Variants in CAMK2A observed in about 807,000 individuals in gnomAD.
CAMK2A encodes calcium/calmodulin-dependent protein kinase type II subunit alpha.
Under a neutral mutation model 79.2 loss-of-function variants are expected in CAMK2A, and 7 were observed. The ratio of observed to expected loss-of-function variants is 0.09; its 90% confidence interval spans 0.05 to 0.17. CAMK2A has a LOEUF of 0.17. Ranked by LOEUF, CAMK2A falls within the 10% of genes least tolerant of loss-of-function variation. CAMK2A has a pLI of 1.00. For synonymous variants in CAMK2A, 242 were observed against 251.7 expected, an observed-to-expected ratio of 0.96 and a Z score of 0.36; for missense variants, 214 against 646.4, an observed-to-expected ratio of 0.33 and a Z score of 7.25.
At chr5:150,272,572 CAAA>C (rs1216822947) in intron 2 of CAMK2A, among the ~76,000 whole-genome samples, 7 of 98,774 alleles carry the variant, frequency 7.1e-5, no homozygotes, top group Admixed American at 1.1e-4. Flanking sequence ...AACTCCATCT[CAAA>C]AAAAAAAAAA....
chr5:150,222,339 C>T lies in CAMK2A; in HGVS notation c.*371G>A. 1 of 610,072 alleles carries T rather than the reference C, an allele frequency of 1.6e-6. No homozygotes were observed. The highest frequency in any genetic ancestry group is 2.7e-5 in the Admixed American group (1 of 37,348). The allele number at this position is 610,072 out of a possible 1,614,324, so 37.8% of individuals were successfully genotyped here. The stretch of plus-strand genomic sequence containing the variant: ...GGATGCTGCCTTCCTCATCATGCCA[C>T]CCCTCCTTCTCCCCAGCCCCTGGTG... On this transcript the variant is annotated 3_prime_UTR_variant, in exon 19 of 19. Transcript: ENST00000671881.
At position 150,289,730 on chromosome 5, in the gene CAMK2A, A is replaced by G. The variant is rs1233421171; in HGVS notation, c.-105T>C. 2 of 857,520 alleles carry G rather than the reference A, an allele frequency of 2.3e-6. No homozygotes were observed. Among genetic ancestry groups the G allele is most frequent in the Non-Finnish European group, 3.7e-6 (2 of 533,528 alleles). The allele number at this position is 857,520 out of a possible 1,614,324, so 53.1% of individuals were successfully genotyped here. On this transcript the variant is annotated 5_prime_UTR_variant, in exon 1 of 19. Transcript: ENST00000671881. ...GACCACTTGCCTGCCCGTGCTGCCGAGTGCAAACAGAGAACCGGTTTGACT... is the reference window on the plus strand; with the variant it reads ...GACCACTTGCCTGCCCGTGCTGCCGGGTGCAAACAGAGAACCGGTTTGACT...
rs777784924 is a variant in CAMK2A, at chr5:150,250,817, G to A, written c.694-7C>T. 5.6e-6 allele frequency: 9 copies of A among 1,613,698 alleles called. No individual in the cohort carries two copies. Among genetic ancestry groups the A allele is most frequent in the Non-Finnish European group, 6.8e-6 (8 of 1,179,684 alleles). The stretch of plus-strand genomic sequence containing the variant: ...CCCATTCCGGCGATGGGAACTGGAA[G>A]GGGCAGAGAGGCCAGGTTTGCCCAG... On this transcript the variant is annotated splice_region_variant and splice_polypyrimidine_tract_variant and intron_variant, in intron 9 of 18. Coordinates refer to ENST00000671881, the MANE Select transcript of CAMK2A (RefSeq NM_015981.4).
At chr5:150,229,043 T>G (rs1028685754) in intron 16 of CAMK2A, among the ~76,000 whole-genome samples, 2 of 152,120 alleles carry the variant, frequency 1.3e-5, no homozygotes, top group African/African-American at 4.8e-5. Context: ...TCTTTTGTGG[T>G]ATAACATGGA....
At position 150,221,444 on chromosome 5, in the gene CAMK2A, G is replaced by A. The variant is rs1357299636; in HGVS notation, c.*1266C>T. On this transcript the variant is annotated 3_prime_UTR_variant, in exon 19 of 19. Transcript: ENST00000671881. The stretch of plus-strand genomic sequence containing the variant: ...TCACGGGCCCCCCAGAGGTGGGTGG[G>A]GGGTGCTGGGGGCGGCACACAGATA... 1 of 398,722 alleles carries A rather than the reference G, an allele frequency of 2.5e-6. No homozygotes were observed. The highest frequency in any genetic ancestry group is 4.4e-6 in the Non-Finnish European group (1 of 226,076). 24.7% of individuals were successfully genotyped at this position (398,722 alleles called of 1,614,324 possible).
chr5:150,276,410 T>G (rs185036446), intron 1 of CAMK2A, among the ~76,000 whole-genome samples: 1 of 152,178 alleles, frequency 6.6e-6, no homozygotes, highest in African/African-American at 2.4e-5. Flanking sequence ...AGGAGGTGGA[T>G]TTCAGCAAGA....
At chr5:150,253,857 A>AAGCAGCAGC (rs139916117) in intron 6 of CAMK2A, among the ~76,000 whole-genome samples, 1 of 149,008 alleles carries the variant, frequency 6.7e-6, no homozygotes, top group East Asian at 1.9e-4. Flanking sequence ...CACCACAATA[A>AAGCAGCAGC]AGCAGCAGCA....
rs182645166 is a variant in CAMK2A, at chr5:150,286,119, C to T, written c.62+3445G>A. On this transcript the variant is annotated intron_variant, in intron 1 of 18. Coordinates refer to ENST00000671881, the MANE Select transcript of CAMK2A (RefSeq NM_015981.4). ...GGTGCAGCACGCCTCCTGCAAGCTT[C>T]GGTGCCGCTAGGATCTGGGCTTTTA... Among the ~76,000 whole-genome samples, 16 of 152,280 alleles carry T rather than the reference C, an allele frequency of 1.1e-4. No homozygotes were observed. The East Asian group carries it at 2.7e-3, about 26-fold the overall frequency.
In CAMK2A at chr5:150,242,579, G is replaced by A. The variant is rs148237864; in HGVS notation, c.984+2582C>T. Among the ~76,000 whole-genome samples, 690 of 152,288 alleles carry A rather than the reference G, an allele frequency of 4.5e-3. 2 individuals carry two copies. Among genetic ancestry groups the A allele is most frequent in the African/African-American group, 0.016 (648 of 41,560 alleles). On this transcript the variant is annotated intron_variant, in intron 13 of 18. Transcript: ENST00000671881. ...GACAGTGAAAGGAGCCTGTGATGTG[G>A]CTCCACCAGGCCCTTCTGGTGTGAC...
chr5:150,234,200 C>G (rs1025308457), intron 15 of CAMK2A, among the ~76,000 whole-genome samples: 1 of 152,162 alleles, frequency 6.6e-6, no homozygotes, highest in East Asian at 1.9e-4. Context: ...ACCTGAGTCA[C>G]TCTCCTTGCC....
At chr5:150,265,268 A>C in intron 2 of CAMK2A, 13 of 472,422 alleles carry the variant, frequency 2.8e-5, no homozygotes, top group East Asian at 8.0e-5. Context: ...TGATTCTTAA[A>C]TGTGAGGCTT....
intron 14 of CAMK2A, 44 bp from the exon 15 acceptor site, chr5:150,238,792 G>A (rs750791622): frequency 3.3e-5 from 51 of 1,534,222 alleles, no homozygotes; most frequent in Admixed American, 1.1e-4. Flanking sequence ...GCCTGGGAGC[G>A]GGACGAGGCA....
At chr5:150,277,065 A>G (rs894273766) in intron 1 of CAMK2A, among the ~76,000 whole-genome samples, 4 of 152,126 alleles carry the variant, frequency 2.6e-5, no homozygotes, top group African/African-American at 9.7e-5. Context: ...CCCCATCTCT[A>G]CTGCTGAGCA....
chr5:150,272,740 G>T (rs1580946753), intron 2 of CAMK2A, among the ~76,000 whole-genome samples: 2 of 152,144 alleles, frequency 1.3e-5, no homozygotes, highest in Middle Eastern at 6.8e-3. Context: ...AGAGGGAATG[G>T]CAAGGGTAGA....
Position 150,253,508 on chromosome 5 carries a change from G to A in CAMK2A, c.450C>T (p.Ala150=), listed in dbSNP as rs373461784. Residue 150 remains alanine (A), a synonymous_variant, in exon 7 of 19, where the codon GCC becomes GCT. Transcript: ENST00000671881. ...NLLLASKLKG[A]AVKLADFGLA... is the part of the protein sequence containing the mutation. ...GGCCAAAGTCTGCCAGCTTCACTGCGGCACCCTTGAGCTTGGAGGCCAGCA... is the reference window on the plus strand; with the variant it reads ...GGCCAAAGTCTGCCAGCTTCACTGCAGCACCCTTGAGCTTGGAGGCCAGCA... 39 of 1,614,086 alleles carry A rather than the reference G, an allele frequency of 2.4e-5. No individual in the cohort carries two copies. The East Asian group carries it at 3.8e-4, about 16-fold the overall frequency.
At position 150,223,191 on chromosome 5, in the gene CAMK2A, G is replaced by T; in HGVS notation, c.1264C>A (p.His422Asn). The change falls in exon 18 of 19, where the codon CAC (histidine) becomes AAC (asparagine). Residue 422 changes from histidine (H) to asparagine (N), a missense_variant. His to Asn is a moderately conservative substitution (Grantham distance 68, BLOSUM62 1). Around this residue, in one of 4 missense-constraint regions of CAMK2A, gnomAD observed 123 missense variants for 242.4 expected, o/e 0.51. Coordinates refer to ENST00000671881, the MANE Select transcript of CAMK2A (RefSeq NM_015981.4). This position sits in a 1 kb window ranked among gnomAD's most constrained non-coding sequence, Gnocchi z 4.1. ...ATGTGGGGATTCAGGATGGTGGTGTGCACGGGCTTGCTGTTCCGGGACCAC... is the reference window on the plus strand; with the variant it reads ...ATGTGGGGATTCAGGATGGTGGTGTTCACGGGCTTGCTGTTCCGGGACCAC... Reference protein sequence around the residue: ...NLWSRNSKPVHTTILNPHIHL... With the variant: ...NLWSRNSKPVNTTILNPHIHL... The T allele has an allele frequency of 6.2e-7, 1 of 1,613,736 alleles. No individual in the cohort carries two copies. Among genetic ancestry groups the T allele is most frequent in the Non-Finnish European group, 8.5e-7 (1 of 1,180,036 alleles).
chr5:150,222,559 A>G lies in CAMK2A; in HGVS notation c.*151T>C. 2 of 843,860 alleles carry G rather than the reference A, an allele frequency of 2.4e-6. No homozygotes were observed. The allele number at this position is 843,860 out of a possible 1,614,324, so 52.3% of individuals were successfully genotyped here. ...GTTGCGATGACTTTTGTGAACAAGC[A>G]GGTTTTCTTGATGCAGGTACAGAAG... On this transcript the variant is annotated 3_prime_UTR_variant, in exon 19 of 19. Transcript: ENST00000671881.
intron 2 of CAMK2A, among the ~76,000 whole-genome samples, chr5:150,269,408 A>G (rs765981810): frequency 6.6e-6 from 1 of 151,822 alleles, no homozygotes; most frequent in Non-Finnish European, 1.5e-5. Flanking sequence ...ACAAATGGGC[A>G]GGACTCTACC....
chr5:150,260,743 T>C (rs1193925551), intron 3 of CAMK2A, among the ~76,000 whole-genome samples: 3 of 152,212 alleles, frequency 2.0e-5, no homozygotes, highest in African/African-American at 7.2e-5. Flanking sequence ...ATTCTAGATG[T>C]GAGGTTATAG....
Sources: gnomAD v4.1 joint callset for allele counts (sites outside exome capture counted in the v4.1 genomes callset) on GRCh38, gnomAD v4.1.1 for gene constraint, gnomAD v4.1.1 regional missense constraint, Gnocchi (gnomAD v3.1) non-coding constraint, MANE v1.5 for transcripts, NCBI Gene and HGNC (gene_info 2026-07-23, HGNC 2026-07-21) for gene names.